The following USP6NL variants were observed in gnomAD, a reference collection of about 807,000 sequenced individuals.
The protein encoded by USP6NL is USP6 N-terminal-like protein.
Under a neutral mutation model 61.9 loss-of-function variants are expected in USP6NL, and 26 were observed. The ratio of observed to expected loss-of-function variants is 0.42; its 90% CI spans 0.31 to 0.58. The LOEUF is 0.58. USP6NL is among the 20% of genes least tolerant of loss of function. The pLI, the probability that USP6NL is intolerant of heterozygous loss-of-function variation, is 0.16. For synonymous variants in USP6NL, 432 were observed against 390.1 expected, an observed-to-expected ratio of 1.11 and a Z score of -1.27; for missense variants, 1,114 against 1,034.3, an observed-to-expected ratio of 1.08 and a Z score of -1.06.
At chr10:11,538,076 T>A (rs551284507) in intron 2 of USP6NL, among the ~76,000 whole-genome samples, 30 of 152,210 alleles carry the variant, frequency 2.0e-4, no homozygotes, top group Admixed American at 3.9e-4. Context: ...CTATAACTAG[T>A]AAAATATTTA....
intron 14 of USP6NL, among the ~76,000 whole-genome samples, chr10:11,473,339 T>C (rs555570507): frequency 1.1e-4 from 16 of 152,320 alleles, no homozygotes; most frequent in African/African-American, 3.8e-4. Context: ...GAGACATGAC[T>C]GACAGAGGCA....
intron 2 of USP6NL, among the ~76,000 whole-genome samples, chr10:11,550,060 A>G (rs1836426786): frequency 1.3e-5 from 2 of 152,362 alleles, no homozygotes; most frequent in South Asian, 2.1e-4. Flanking sequence ...TGGTGCTGAA[A>G]TAACTAGGTA....
intron 1 of USP6NL, among the ~76,000 whole-genome samples, chr10:11,604,876 T>C (rs1196918172): frequency 1.3e-5 from 2 of 152,134 alleles, no homozygotes; most frequent in Admixed American, 1.3e-4. Context: ...TAATAAAAGG[T>C]AGTCTTCTCC....
At chr10:11,521,080 G>A (rs1304278472) in intron 4 of USP6NL, among the ~76,000 whole-genome samples, 1 of 152,092 alleles carries the variant, frequency 6.6e-6, no homozygotes. Context: ...CGGAGTTTAT[G>A]TGCCTATAAC....
rs958519510 is a variant in USP6NL at position 11,499,455 on chromosome 10, T to C, written c.384+1646A>G. Among the ~76,000 whole-genome samples, 2 of 152,178 alleles carry C rather than the reference T, an allele frequency of 1.3e-5. No individual in the cohort carries two copies. The highest frequency in any genetic ancestry group is 1.3e-4 in the Admixed American group (2 of 15,284). Reference sequence around the variant, plus strand: ...TTAGCAGGCAAGCTGGGATGAATAGTGTCCCTCCAAAACTCATGTCCACCA... The same window carrying C: ...TTAGCAGGCAAGCTGGGATGAATAGCGTCCCTCCAAAACTCATGTCCACCA... On this transcript the variant is annotated intron_variant, in intron 7 of 14. Coordinates refer to ENST00000609104, the MANE Select transcript of USP6NL (RefSeq NM_014688.5). This position sits in a 1 kb window ranked among gnomAD's most constrained non-coding sequence, Gnocchi z 4.5.
At chr10:11,565,106 A>C (rs1443736898) in intron 2 of USP6NL, 1 of 152,238 alleles carries the variant, frequency 6.6e-6, no homozygotes, top group Non-Finnish European at 1.5e-5. Context: ...AGCCCGTTTA[A>C]AGTGAAAAAT....
At chr10:11,555,433 A>ATAT (rs1555171083) in intron 2 of USP6NL, among the ~76,000 whole-genome samples, 3 of 49,030 alleles carry the variant, frequency 6.1e-5, no homozygotes, top group East Asian at 9.0e-4. Flanking sequence ...AAAAAAAAAA[A>ATAT]ATATATATAT....
In USP6NL at chr10:11,463,381, G is replaced by A. The variant is rs778751102; in HGVS notation, c.1547C>T (p.Ala516Val). ...CTCGGCAGGACCTGGGACGGTAACT[G>A]CGAGCGCGGGGTGCGCTGCTCGACC... ...GKGRAAHPAL[A>V]VTVPGPAEVR... The change falls in exon 15 of 15, where the codon GCA (alanine) becomes GTA (valine). Residue 516 changes from alanine to valine, a missense_variant. Physicochemically the swap from Ala to Val is moderately conservative, Grantham distance 64. Coordinates refer to ENST00000609104, the MANE Select transcript of USP6NL (RefSeq NM_014688.5). This position sits in a 1 kb window ranked among gnomAD's most constrained non-coding sequence, Gnocchi z 6.3. 6.2e-7 allele frequency: 1 copy of A among 1,614,058 alleles called. No individual in the cohort carries two copies. The highest frequency in any genetic ancestry group is 2.2e-5 in the East Asian group (1 of 44,886).
chr10:11,567,546 G>C (rs1465450070), intron 2 of USP6NL, among the ~76,000 whole-genome samples: 1 of 152,198 alleles, frequency 6.6e-6, no homozygotes, highest in East Asian at 1.9e-4. Flanking sequence ...ACTGCTTATA[G>C]TTTTCCAAGT....
At position 11,485,792 on chromosome 10, in the gene USP6NL, G is replaced by GT; in HGVS notation, c.759+24dup. 6.7e-7 allele frequency: 1 copy of GT among 1,497,032 alleles called. No individual in the cohort carries two copies. Among genetic ancestry groups the GT allele is most frequent in the Non-Finnish European group, 9.0e-7 (1 of 1,107,054 alleles). The allele number at this position is 1,497,032 out of a possible 1,614,324, so 92.7% of individuals were successfully genotyped here. On this transcript the variant is annotated intron_variant, in intron 11 of 14. Coordinates refer to ENST00000609104, the MANE Select transcript of USP6NL (RefSeq NM_014688.5). The surrounding 1 kb of genome is among the most constrained non-coding windows in gnomAD (Gnocchi z 4.8). ...TTTTTTGGGGGGTGGGTAGGTGGGT[G>GT]TAAGTCAGTGGCACATCTACCTACC...
Position 11,532,177 on chromosome 10 carries a change from C to A in USP6NL, c.5-4610G>T, listed in dbSNP as rs766334180. On this transcript the variant is annotated intron_variant, in intron 2 of 14. Transcript: ENST00000609104. This position sits in a 1 kb window ranked among gnomAD's most constrained non-coding sequence, Gnocchi z 4.1. ...CAACATCAATTTTAAAAGTACTTTACCCTTTGTGAGATAATCAGTCTGGCC... is the reference window on the plus strand; with the variant it reads ...CAACATCAATTTTAAAAGTACTTTAACCTTTGTGAGATAATCAGTCTGGCC... The A allele has an allele frequency of 6.3e-6, 10 of 1,587,384 alleles. No homozygotes were observed. The Admixed American group carries it at 1.2e-4, about 19-fold the overall frequency.
At position 11,489,364 on chromosome 10, in the gene USP6NL, C is replaced by T; in HGVS notation, c.544-142G>A. On this transcript the variant is annotated intron_variant, in intron 9 of 14. Transcript: ENST00000609104. This position sits in a 1 kb window ranked among gnomAD's most constrained non-coding sequence, Gnocchi z 5.7. Reference sequence around the variant, plus strand: ...CCATTCTAGAGACAAATACTATACTCTTTACAGTATTATGCCACATAAGAG... The same window carrying T: ...CCATTCTAGAGACAAATACTATACTTTTTACAGTATTATGCCACATAAGAG... 9.4e-7 allele frequency: 1 copy of T among 1,060,716 alleles called. No individual in the cohort carries two copies. Among genetic ancestry groups the T allele is most frequent in the East Asian group, 2.6e-5 (1 of 39,208 alleles). The allele number at this position is 1,060,716 out of a possible 1,614,324, so 65.7% of individuals were successfully genotyped here. A position where few individuals can be genotyped will look rare whatever the true frequency, so the allele number is the denominator to read the frequency against.
chr10:11,480,541 G>A (rs141121243), intron 14 of USP6NL, among the ~76,000 whole-genome samples: 97 of 152,274 alleles, frequency 6.4e-4, no homozygotes, highest in Non-Finnish European at 7.4e-4. Flanking sequence ...CAAAGGCAAC[G>A]GCTCCACAAG....
chr10:11,486,172 AAAG>A (rs1444236314), intron 10 of USP6NL, among the ~76,000 whole-genome samples: 4 of 151,802 alleles, frequency 2.6e-5, no homozygotes, highest in African/African-American at 7.2e-5. Context: ...AAAAAAAAAA[AAAG>A]GACACTGAAG....
At chr10:11,494,991 C>G (rs577981645) in intron 7 of USP6NL, among the ~76,000 whole-genome samples, 85 of 151,324 alleles carry the variant, frequency 5.6e-4, no homozygotes, top group Non-Finnish European at 8.0e-4. Context: ...TAAACTCCCC[C>G]GGGGAAAGGG....
At chr10:11,564,106 T>C (rs1591932905) in intron 2 of USP6NL, 1 of 152,332 alleles carries the variant, frequency 6.6e-6, no homozygotes, top group East Asian at 1.9e-4. Context: ...GTAACAGTCA[T>C]TAAAAGCGCT....
In USP6NL at chr10:11,490,630, T is replaced by A. The variant is rs934251440; in HGVS notation, c.543+202A>T. Among the ~76,000 whole-genome samples the A allele has an allele frequency of 6.6e-6, 1 of 152,216 alleles. No homozygotes were observed. Among genetic ancestry groups the A allele is most frequent in the Non-Finnish European group, 1.5e-5 (1 of 68,044 alleles). Reference sequence around the variant, plus strand: ...CTCACTGGCATACTGTGGTCATATTTAGGTTCTTCCACTTCAGAATCAGCT... The same window carrying A: ...CTCACTGGCATACTGTGGTCATATTAAGGTTCTTCCACTTCAGAATCAGCT... On this transcript the variant is annotated intron_variant, in intron 9 of 14. Coordinates refer to ENST00000609104, the MANE Select transcript of USP6NL (RefSeq NM_014688.5). The surrounding 1 kb of genome is among the most constrained non-coding windows in gnomAD (Gnocchi z 4.5).
intron 14 of USP6NL, among the ~76,000 whole-genome samples, chr10:11,466,222 C>A (rs1030759781): frequency 6.6e-6 from 1 of 152,154 alleles, no homozygotes; most frequent in African/African-American, 2.4e-5. Context: ...TAAAATCATA[C>A]CCCTTTTAAG....
At chr10:11,610,891 A>G (rs1046385479) in intron 1 of USP6NL, among the ~76,000 whole-genome samples, 3 of 152,130 alleles carry the variant, frequency 2.0e-5, no homozygotes, top group Non-Finnish European at 4.4e-5. Context: ...TTCACGCATT[A>G]CAAATGCCGC....
Sources: gnomAD v4.1 joint callset for allele counts (sites outside exome capture counted in the v4.1 genomes callset) on GRCh38, gnomAD v4.1.1 for gene constraint, Gnocchi (gnomAD v3.1) non-coding constraint, MANE v1.5 for transcripts, NCBI Gene and HGNC (gene_info 2026-07-23, HGNC 2026-07-21) for gene names.